PIEZO1: variants seen among roughly 807,000 people sequenced by gnomAD.
PIEZO1 encodes the protein piezo-type mechanosensitive ion channel component 1.
A neutral mutation model predicts 297.2 loss-of-function variants in PIEZO1; 296 were observed. That is an observed-to-expected ratio of 1.00 (90% CI 0.91 to 1.10). PIEZO1 has a LOEUF of 1.10. PIEZO1 is among the 50% of genes least tolerant of loss of function. The probability of loss-of-function intolerance (pLI) is 0.00; values close to 1 mark genes in which losing one functional copy is unlikely to be tolerated. For missense variants in PIEZO1, 5,018 were observed against 3,455.5 expected (o/e 1.45, Z -11.34); for synonymous variants, 2,427 against 1,507.5 (o/e 1.61, Z -14.13).
At position 88,742,416 on chromosome 16, in the gene PIEZO1, G is replaced by A. The variant is rs1308833107; in HGVS notation, c.167C>T (p.Thr56Ile). Reference protein sequence around the residue: ...GPTRCGLQGHTGRLLRALLGL... With the variant: ...GPTRCGLQGHIGRLLRALLGL... ...CAGCAATGCCCGCAGGAGGCGGCCT[G>A]TGTGACCTGCGGCAGAGCGAGTGGG... The change falls in exon 3 of 51, where the codon ACA (threonine) becomes ATA (isoleucine). Residue 56 changes from threonine to isoleucine, a missense_variant. Physicochemically the swap from Thr to Ile is moderately conservative, Grantham distance 89 (BLOSUM62 -1). Transcript: ENST00000301015. The A allele has an allele frequency of 3.9e-6, 6 of 1,534,652 alleles. No homozygotes were observed. Among genetic ancestry groups the A allele is most frequent in the Non-Finnish European group, 5.2e-6 (6 of 1,146,572 alleles).
At chr16:88,762,351 C>T (rs1193901632) in intron 1 of PIEZO1, among the ~76,000 whole-genome samples, 3 of 152,238 alleles carry the variant, frequency 2.0e-5, no homozygotes, top group African/African-American at 7.2e-5. Context: ...CATGGCCTCC[C>T]CCACCTGAGG....
intron 30 of PIEZO1, 125 bp downstream of exon 30, chr16:88,724,884 G>C: frequency 1.6e-6 from 1 of 614,042 alleles, no homozygotes; most frequent in Admixed American, 4.1e-5. Flanking sequence ...GGAGGCCTGA[G>C]CACGTCCTGA....
In PIEZO1 at chr16:88,723,226, C is replaced by T. The variant is rs1904296219; in HGVS notation, c.4438G>A (p.Gly1480Arg). The change falls in exon 32 of 51, where the codon GGA (glycine) becomes AGA (arginine). Residue 1480 changes from glycine to arginine, a missense_variant and splice_region_variant. Physicochemically the swap from Gly to Arg is moderately radical, Grantham distance 125 (BLOSUM62 -2). Transcript: ENST00000301015. ...RQEQAGQLPT[G>R]GGPSQEVEPA... ...AGAGTCCCCACGCCCCCCAGCTCAC[C>T]TGTGGGTAGCTGTCCTGCCTGTTCC... 6.5e-7 allele frequency: 1 copy of T among 1,547,588 alleles called. No individual in the cohort carries two copies. Among genetic ancestry groups the T allele is most frequent in the Non-Finnish European group, 8.7e-7 (1 of 1,146,842 alleles).
intron 1 of PIEZO1, among the ~76,000 whole-genome samples, chr16:88,777,640 G>C (rs1907726679): frequency 6.6e-6 from 1 of 152,230 alleles, no homozygotes; most frequent in South Asian, 2.1e-4. Flanking sequence ...TTAATGATGT[G>C]TCGTTTTAAA....
intron 5 of PIEZO1, chr16:88,739,837 C>G (rs1231990687): frequency 7.8e-6 from 1 of 128,892 alleles, no homozygotes; most frequent in Non-Finnish European, 1.7e-5. Context: ...ATCGCTCACC[C>G]CACCCACAGC....
rs774174901 is a variant in PIEZO1 at position 88,716,850 on chromosome 16, C to T, written c.6709G>A (p.Ala2237Thr). The T allele has an allele frequency of 6.5e-6, 10 of 1,549,966 alleles. No homozygotes were observed. The highest frequency in any genetic ancestry group is 1.7e-6 in the Non-Finnish European group (2 of 1,146,950). ...CGGGACAGCTCCTCATAGGCCTGGG[C>T]CGTGAAGGGGATGATGGACGGCTGC... ...AQQPSIIPFT[A>T]QAYEELSRQF... is the part of the protein sequence containing the mutation. The change falls in exon 46 of 51, where the codon GCC becomes ACC. Residue 2237 changes from alanine (A) to threonine (T), a missense_variant. Coordinates refer to ENST00000301015, the MANE Select transcript of PIEZO1 (RefSeq NM_001142864.4).
rs537636246 is a variant in PIEZO1, at chr16:88,762,136, C to G, written c.65-12657G>C. Among the ~76,000 whole-genome samples, 86 of 152,308 alleles carry G rather than the reference C, an allele frequency of 5.6e-4. No homozygotes were observed. In the Middle Eastern group the frequency reaches 0.01, roughly 18 times the overall value. On this transcript the variant is annotated intron_variant, in intron 1 of 50. Transcript: ENST00000301015. Reference sequence around the variant, plus strand: ...ATGTCTGACGGAGCCGACCCTATGCCCCCACTGTGCCCTGGGAAGGGAGCT... The same window carrying G: ...ATGTCTGACGGAGCCGACCCTATGCGCCCACTGTGCCCTGGGAAGGGAGCT...
At chr16:88,763,499 A>G (rs1907022938) in intron 1 of PIEZO1, among the ~76,000 whole-genome samples, 1 of 152,206 alleles carries the variant, frequency 6.6e-6, no homozygotes, top group East Asian at 1.9e-4. Flanking sequence ...GCAACACAGG[A>G]AGGCCTCATC....
intron 21 of PIEZO1, among the ~76,000 whole-genome samples, 179 bp downstream of exon 21, chr16:88,732,156 T>C (rs971888043): frequency 6.6e-6 from 1 of 151,950 alleles, no homozygotes; most frequent in African/African-American, 2.4e-5. Flanking sequence ...CCCCTGCCTG[T>C]TGTCAGCACC....
rs367636785 is a variant in PIEZO1 at position 88,721,277 on chromosome 16, C to T, written c.5557G>A (p.Gly1853Arg). 46 of 1,544,170 alleles carry T rather than the reference C, an allele frequency of 3.0e-5. No individual in the cohort carries two copies. In the Admixed American group the frequency reaches 3.3e-4, roughly 11 times the overall value. ...AGCTCCACTTGGGGTTCTGGGGTCC[C>T]GTCCGTGGGTCCGACCCTGGCTTCC... ...QVEARVGPTDGTPEPQVELRP... is the reference protein window; with the variant it reads ...QVEARVGPTDRTPEPQVELRP... The change falls in exon 39 of 51, where the codon GGG (glycine) becomes AGG (arginine). Residue 1853 changes from glycine (G) to arginine (R), a missense_variant. By Grantham distance (125) the Gly-to-Arg change is moderately radical (BLOSUM62 -2). Coordinates refer to ENST00000301015, the MANE Select transcript of PIEZO1 (RefSeq NM_001142864.4).
intron 10 of PIEZO1, 149 bp downstream of exon 10, chr16:88,737,410 C>A: frequency 1.7e-6 from 1 of 599,464 alleles, no homozygotes; most frequent in East Asian, 2.9e-5. Context: ...GTCACTGACA[C>A]CGACCCGTGG....
At chr16:88,730,834 G>C (rs774909823) in intron 22 of PIEZO1, among the ~76,000 whole-genome samples, 9 of 152,242 alleles carry the variant, frequency 5.9e-5, no homozygotes, top group Non-Finnish European at 1.2e-4. Flanking sequence ...TTGGAAAGCA[G>C]CCAGTAACAA....
chr16:88,750,556 C>A (rs943841622), intron 1 of PIEZO1, among the ~76,000 whole-genome samples: 9 of 152,232 alleles, frequency 5.9e-5, no homozygotes, highest in African/African-American at 2.2e-4. Context: ...AGAGTCCGGC[C>A]AGTGCCTGCA....
In PIEZO1 at chr16:88,736,752, A is replaced by ACAG; in HGVS notation, c.1196-16_1196-14dup. 6.7e-7 allele frequency: 1 copy of ACAG among 1,495,996 alleles called. No homozygotes were observed. The allele number at this position is 1,495,996 out of a possible 1,614,324, so 92.7% of individuals were successfully genotyped here. On this transcript the variant is annotated splice_polypyrimidine_tract_variant and intron_variant, in intron 10 of 50. Coordinates refer to ENST00000301015, the MANE Select transcript of PIEZO1 (RefSeq NM_001142864.4). ...CGCTTGGGCCGCACTGCAGGTGGGG[A>ACAG]CAGCGGTCAGCTTCGGCAGGTTGAT...
At position 88,716,297 on chromosome 16, in the gene PIEZO1, G is replaced by A. The variant is rs1912023855; in HGVS notation, c.7050-20C>T. The A allele has an allele frequency of 1.3e-6, 2 of 1,491,682 alleles. No individual in the cohort carries two copies. The highest frequency in any genetic ancestry group is 9.0e-7 in the Non-Finnish European group (1 of 1,114,628). The allele number at this position is 1,491,682 out of a possible 1,614,324, so 92.4% of individuals were successfully genotyped here. On this transcript the variant is annotated intron_variant, in intron 48 of 50. Transcript: ENST00000301015. ...ATGACCCTGCAGGGAGGTGCTGGCA[G>A]GTCAGGCCTGGCCCAGCCAACCTGG...
intron 21 of PIEZO1, 52 bp from the exon 22 acceptor site, chr16:88,731,962 G>GGGGGGTGTGGGGATGC (rs1567670088): frequency 5.0e-5 from 6 of 119,926 alleles, no homozygotes; most frequent in South Asian, 9.1e-5. Flanking sequence ...TGGGGGGAGG[G>GGGGGGTGTGGGGATGC]ACTTTCTTGT....
At chr16:88,750,875 C>T (rs1184507990) in intron 1 of PIEZO1, among the ~76,000 whole-genome samples, 1 of 152,116 alleles carries the variant, frequency 6.6e-6, no homozygotes, top group African/African-American at 2.4e-5. Flanking sequence ...ACCCTCCACC[C>T]ACCCTCCAGC....
intron 1 of PIEZO1, among the ~76,000 whole-genome samples, chr16:88,769,939 G>A (rs1907346701): frequency 6.6e-6 from 1 of 152,182 alleles, no homozygotes; most frequent in African/African-American, 2.4e-5. Flanking sequence ...CCCTTCCAAT[G>A]CCACATGGCG....
rs1473226642 is a variant in PIEZO1 at position 88,738,389 on chromosome 16, G to T, written c.686C>A (p.Ala229Asp). ...GTGGCAGGCCCACCAGGTGCAGAGGGCCAGGAAGAGCAGCAGGTAGACACT... is the reference window on the plus strand; with the variant it reads ...GTGGCAGGCCCACCAGGTGCAGAGGTCCAGGAAGAGCAGCAGGTAGACACT... The part of the protein sequence containing the change: ...LSSVYLLLFL[A>D]LCTWWACHFP... The change falls in exon 7 of 51, where the codon GCC becomes GAC. Residue 229 changes from alanine (A) to aspartate (D), a missense_variant. Coordinates refer to ENST00000301015, the MANE Select transcript of PIEZO1 (RefSeq NM_001142864.4). The T allele has an allele frequency of 6.5e-7, 1 of 1,535,844 alleles. No individual in the cohort carries two copies. The highest frequency in any genetic ancestry group is 8.7e-7 in the Non-Finnish European group (1 of 1,146,852).
Sources: allele counts gnomAD v4.1 joint callset (sites outside exome capture counted in the v4.1 genomes callset), GRCh38; gene constraint gnomAD v4.1.1; transcripts MANE v1.5; gene names NCBI Gene and HGNC (gene_info 2026-07-23, HGNC 2026-07-21).